Variants in NUBPL observed in about 807,000 individuals in gnomAD.
The protein encoded by NUBPL is NUBP iron-sulfur cluster assembly factor, mitochondrial, also known as iron-sulfur cluster transfer protein NUBPL.
Under a neutral mutation model 45.7 loss-of-function variants are expected in NUBPL, and 31 were observed. The observed-to-expected ratio is 0.68, with a 90% CI of 0.51 to 0.92. The LOEUF (loss-of-function observed/expected upper bound fraction) is 0.92. Among genes scored for constraint, NUBPL ranks in the 40% least tolerant of loss-of-function variants. The pLI is 0.00. For missense variants in NUBPL, 401 were observed against 398.7 expected (o/e 1.01, Z -0.05); for synonymous variants, 144 against 140.9 (o/e 1.02, Z -0.15).
At chr14:31,657,535 A>G (rs1483238194) in intron 4 of NUBPL, among the ~76,000 whole-genome samples, 1 of 152,048 alleles carries the variant, frequency 6.6e-6, no homozygotes, top group Non-Finnish European at 1.5e-5. Context: ...TTTGTCCTTC[A>G]TTGGGTCTTT....
At chr14:31,693,814 A>C (rs547936166) in intron 6 of NUBPL, among the ~76,000 whole-genome samples, 22 of 149,854 alleles carry the variant, frequency 1.5e-4, no homozygotes, top group East Asian at 9.7e-4. Context: ...AAAAAAAAAA[A>C]AAAAAAAAAC....
At chr14:31,816,816 C>T (rs1424719083) in intron 7 of NUBPL, among the ~76,000 whole-genome samples, 1 of 151,962 alleles carries the variant, frequency 6.6e-6, no homozygotes, top group East Asian at 1.9e-4. Flanking sequence ...GCATGTTGTT[C>T]AGTTTCCATG....
intron 3 of NUBPL, among the ~76,000 whole-genome samples, chr14:31,582,102 A>G (rs1193454973): frequency 6.6e-6 from 1 of 152,188 alleles, no homozygotes; most frequent in Non-Finnish European, 1.5e-5. Flanking sequence ...AAATTAAAAA[A>G]ATAAATTAGT....
intron 6 of NUBPL, among the ~76,000 whole-genome samples, chr14:31,778,362 G>C (rs2039133352): frequency 6.6e-6 from 1 of 152,190 alleles, no homozygotes; most frequent in African/African-American, 2.4e-5. Flanking sequence ...CTCCTGACTG[G>C]ATGAATTCAG....
At chr14:31,610,000 T>C (rs551477210) in intron 4 of NUBPL, among the ~76,000 whole-genome samples, 1 of 152,150 alleles carries the variant, frequency 6.6e-6, no homozygotes, top group African/African-American at 2.4e-5. Context: ...TAACGATGCA[T>C]CTTAAAGAAC....
At chr14:31,589,414 C>T (rs997855395) in intron 3 of NUBPL, among the ~76,000 whole-genome samples, 22 of 152,066 alleles carry the variant, frequency 1.4e-4, no homozygotes, top group Non-Finnish European at 2.8e-4. Context: ...AGCAATTATG[C>T]TAATGGAAAA....
chr14:31,835,924 C>T (rs1422746227), intron 8 of NUBPL, among the ~76,000 whole-genome samples: 1 of 152,148 alleles, frequency 6.6e-6, no homozygotes, highest in East Asian at 1.9e-4. Context: ...TTTCTTAAAT[C>T]ATGGCTTTTA....
At chr14:31,841,067 A>G (rs2040363266) in intron 8 of NUBPL, among the ~76,000 whole-genome samples, 1 of 152,236 alleles carries the variant, frequency 6.6e-6, no homozygotes, top group Non-Finnish European at 1.5e-5. Context: ...TCCATTAAAT[A>G]TATCACAGTT....
chr14:31,575,770 GA>G (rs1368709752), intron 3 of NUBPL, among the ~76,000 whole-genome samples: 1 of 152,014 alleles, frequency 6.6e-6, no homozygotes. Context: ...CATTTCTTAT[GA>G]AAAAAATTGT....
At chr14:31,732,410 A>G (rs183500470) in intron 6 of NUBPL, among the ~76,000 whole-genome samples, 1 of 152,132 alleles carries the variant, frequency 6.6e-6, no homozygotes, top group African/African-American at 2.4e-5. Flanking sequence ...TGTGCTTAAA[A>G]ATGTGAATTA....
chr14:31,699,547 G>C (rs1386469583), intron 6 of NUBPL, among the ~76,000 whole-genome samples: 1 of 152,166 alleles, frequency 6.6e-6, no homozygotes, highest in African/African-American at 2.4e-5. Context: ...TCTTGGCTCA[G>C]CTTTTAACTA....
rs1208848867 is a variant in NUBPL at position 31,768,047 on chromosome 14, T to A, written c.514-19733T>A. The stretch of plus-strand genomic sequence containing the variant: ...ATCTTAGTAATTTTATTGTCATTTA[T>A]TTCTACCTTTTAGACTATCAGTCTT... On this transcript the variant is annotated intron_variant, in intron 6 of 10. Coordinates refer to ENST00000281081, the MANE Select transcript of NUBPL (RefSeq NM_025152.3). Among the ~76,000 whole-genome samples the A allele has an allele frequency of 3.9e-5, 6 of 152,370 alleles. No homozygotes were observed. In the East Asian group the frequency reaches 1.2e-3, roughly 29 times the overall value.
chr14:31,792,816 G>A (rs754276348), intron 7 of NUBPL, among the ~76,000 whole-genome samples: 38 of 152,144 alleles, frequency 2.5e-4, no homozygotes, highest in Non-Finnish European at 5.0e-4. Context: ...TGAGGTTTGG[G>A]TTTATTCAGG....
In NUBPL at chr14:31,562,610, T is replaced by G. The variant is rs1013519967; in HGVS notation, c.256+395T>G. ...CTAGTAACTTTTTTTTTTTGTTTTTTTTTTTTTTTTTGAGACGGAATCTCG... is the reference window on the plus strand; with the variant it reads ...CTAGTAACTTTTTTTTTTTGTTTTTGTTTTTTTTTTTGAGACGGAATCTCG... On this transcript the variant is annotated intron_variant, in intron 2 of 10. Coordinates refer to ENST00000281081, the MANE Select transcript of NUBPL (RefSeq NM_025152.3). Among the ~76,000 whole-genome samples the G allele has an allele frequency of 2.5e-4, 37 of 146,938 alleles. No homozygotes were observed. The South Asian group carries it at 3.1e-3, about 12-fold the overall frequency.
chr14:31,774,974 C>T (rs549886780), intron 6 of NUBPL, among the ~76,000 whole-genome samples: 2 of 152,286 alleles, frequency 1.3e-5, no homozygotes, highest in South Asian at 4.1e-4. Flanking sequence ...ACTCTTATCA[C>T]TCTAGTGATT....
intron 6 of NUBPL, among the ~76,000 whole-genome samples, chr14:31,783,055 G>C (rs1336636763): frequency 4.6e-5 from 7 of 152,120 alleles, no homozygotes; most frequent in Admixed American, 4.6e-4. Context: ...AAACACCAGA[G>C]CACCAGGATT....
chr14:31,698,226 C>T (rs1224951125), intron 6 of NUBPL, among the ~76,000 whole-genome samples: 1 of 151,964 alleles, frequency 6.6e-6, no homozygotes, highest in African/African-American at 2.4e-5. Flanking sequence ...GTGTATCTTC[C>T]AATCTATGGT....
chr14:31,825,935 G>A (rs904608027), intron 7 of NUBPL, among the ~76,000 whole-genome samples: 1 of 149,958 alleles, frequency 6.7e-6, no homozygotes, highest in Admixed American at 6.7e-5. Flanking sequence ...TGATCCCTCC[G>A]CCTCAGCCTC....
In NUBPL at chr14:31,568,847, G is replaced by A. The variant is rs562409458; in HGVS notation, c.291+3799G>A. 4.6e-5 allele frequency among the ~76,000 whole-genome samples: 7 copies of A among 152,290 alleles called. No individual in the cohort carries two copies. In the East Asian group the frequency reaches 7.7e-4, roughly 17 times the overall value. On this transcript the variant is annotated intron_variant, in intron 3 of 10. Transcript: ENST00000281081. ...AGCAATTCATTTTACTTTTCATGTT[G>A]TACTTAGTAATATCTGAAGTGGATT...
Sources: allele counts gnomAD v4.1 joint callset (sites outside exome capture counted in the v4.1 genomes callset), GRCh38; gene constraint gnomAD v4.1.1; transcripts MANE v1.5; gene names NCBI Gene and HGNC (gene_info 2026-07-23, HGNC 2026-07-21).